SMOC1: variants seen among roughly 807,000 people sequenced by gnomAD.
SMOC1 encodes SPARC related modular calcium binding 1.
SMOC1 carries 22 observed loss-of-function variants against 56.3 expected under a neutral mutation model. That is an observed-to-expected ratio of 0.39 (90% CI 0.28 to 0.56). SMOC1 has a LOEUF of 0.56. Ranked by LOEUF, SMOC1 falls within the 20% of genes least tolerant of loss-of-function variation. SMOC1 has a pLI of 0.61. For synonymous variants in SMOC1, 193 were observed against 215.0 expected, an observed-to-expected ratio of 0.90 and a Z score of 0.89; for missense variants, 509 against 565.4, an observed-to-expected ratio of 0.90 and a Z score of 1.01.
At chr14:69,884,358 T>C (rs925817234) in intron 1 of SMOC1, among the ~76,000 whole-genome samples, 1 of 152,230 alleles carries the variant, frequency 6.6e-6, no homozygotes, top group Non-Finnish European at 1.5e-5. Context: ...ATTAACTCCT[T>C]ATCAGATATA....
chr14:69,899,666 T>G (rs910561053), intron 1 of SMOC1, among the ~76,000 whole-genome samples: 31 of 152,202 alleles, frequency 2.0e-4, no homozygotes, highest in Admixed American at 1.8e-3. Context: ...TTCTTTGATA[T>G]TCACTGTGAG....
intron 1 of SMOC1, among the ~76,000 whole-genome samples, chr14:69,905,390 TAGA>T: frequency 6.6e-6 from 1 of 151,994 alleles, no homozygotes; most frequent in South Asian, 2.1e-4. Flanking sequence ...TGTGAGGGAA[TAGA>T]AGGAGGGTAG....
intron 3 of SMOC1, among the ~76,000 whole-genome samples, chr14:69,966,321 A>G (rs1883575758): frequency 1.3e-5 from 2 of 152,222 alleles, no homozygotes; most frequent in Admixed American, 6.5e-5. Flanking sequence ...GGGTCCCCGG[A>G]GCCCTAACAC....
chr14:69,891,582 C>G (rs115937819), intron 1 of SMOC1, among the ~76,000 whole-genome samples: 1 of 152,038 alleles, frequency 6.6e-6, no homozygotes, highest in Non-Finnish European at 1.5e-5. Flanking sequence ...CATCTGCTGG[C>G]GTCTCCCTCC....
chr14:70,019,671 AG>A (rs1243695781), intron 10 of SMOC1, among the ~76,000 whole-genome samples: 1 of 152,096 alleles, frequency 6.6e-6, no homozygotes, highest in Non-Finnish European at 1.5e-5. Context: ...TTTGTGGTTG[AG>A]GGGGTCTAAC....
At chr14:70,000,126 C>T (rs912403920) in intron 7 of SMOC1, among the ~76,000 whole-genome samples, 1 of 152,170 alleles carries the variant, frequency 6.6e-6, no homozygotes, top group Non-Finnish European at 1.5e-5. Context: ...TCTGAGCATC[C>T]TTGTTCTGTG....
chr14:69,908,045 T>C (rs1884456472), intron 1 of SMOC1, among the ~76,000 whole-genome samples: 1 of 152,156 alleles, frequency 6.6e-6, no homozygotes, highest in Non-Finnish European at 1.5e-5. Context: ...ACCACAGCAA[T>C]AGGTGAATCA....
intron 1 of SMOC1, among the ~76,000 whole-genome samples, chr14:69,880,933 G>A (rs1883621260): frequency 6.6e-6 from 1 of 152,214 alleles, no homozygotes; most frequent in Non-Finnish European, 1.5e-5. Context: ...AAGTCTTAAT[G>A]ACTGCCCAGA....
intron 7 of SMOC1, among the ~76,000 whole-genome samples, chr14:70,009,047 G>C (rs1188467622): frequency 6.6e-6 from 1 of 152,186 alleles, no homozygotes; most frequent in Non-Finnish European, 1.5e-5. Flanking sequence ...CAAAACCCAA[G>C]TCTGATGTCT....
chr14:70,011,681 C>A, intron 9 of SMOC1, 114 bp downstream of exon 9: 2 of 998,004 alleles, frequency 2.0e-6, no homozygotes, highest in Non-Finnish European at 3.1e-6. Flanking sequence ...TAAGATGGAG[C>A]CAGGAGCCGT....
At chr14:69,938,566 C>T (rs1882413537) in intron 1 of SMOC1, among the ~76,000 whole-genome samples, 1 of 151,960 alleles carries the variant, frequency 6.6e-6, no homozygotes, top group Non-Finnish European at 1.5e-5. Flanking sequence ...GGGCTTCTTA[C>T]CCCTTAAGAT....
chr14:69,885,903 T>C, intron 1 of SMOC1: 1 of 1,598,684 alleles, frequency 6.3e-7, no homozygotes, highest in Non-Finnish European at 8.5e-7. Context: ...AACTGGTTAA[T>C]CGCAGGAGGC....
chr14:70,005,864 A>C (rs1442829175), intron 7 of SMOC1, among the ~76,000 whole-genome samples: 3 of 152,178 alleles, frequency 2.0e-5, no homozygotes, highest in Non-Finnish European at 2.9e-5. Flanking sequence ...AGGTGTTTAC[A>C]GATGGTCCTG....
chr14:69,898,821 TTTTG>T (rs755599693), intron 1 of SMOC1, among the ~76,000 whole-genome samples: 1 of 152,156 alleles, frequency 6.6e-6, no homozygotes, highest in Non-Finnish European at 1.5e-5. Context: ...AAACTGTGTG[TTTTG>T]TTTGTTTGTT....
At chr14:69,961,604 A>ACTCCTGAGCT (rs373305805) in intron 3 of SMOC1, among the ~76,000 whole-genome samples, 13 of 150,060 alleles carry the variant, frequency 8.7e-5, no homozygotes, top group African/African-American at 2.5e-4. Flanking sequence ...CTGTTCTTGA[A>ACTCCTGAGCT]CTCCTGAGCT....
intron 1 of SMOC1, among the ~76,000 whole-genome samples, chr14:69,931,386 C>A (rs1343335639): frequency 2.0e-5 from 3 of 152,260 alleles, no homozygotes; most frequent in African/African-American, 7.2e-5. Context: ...GCTCCACTCG[C>A]TGTCGTCCTC....
rs972216517 is a variant in SMOC1, at chr14:70,031,038, A to G, written c.*780A>G. 6.6e-6 allele frequency: 1 copy of G among 152,126 alleles called. No individual in the cohort carries two copies. The highest frequency in any genetic ancestry group is 2.4e-5 in the African/African-American group (1 of 41,412). 9.4% of individuals were successfully genotyped at this position (152,126 alleles called of 1,614,324 possible). A position where few individuals can be genotyped will look rare whatever the true frequency, so the allele number is the denominator to read the frequency against. On this transcript the variant is annotated 3_prime_UTR_variant, in exon 12 of 12. Coordinates refer to ENST00000361956, the MANE Select transcript of SMOC1 (RefSeq NM_001034852.3). Reference sequence around the variant, plus strand: ...TCTCCGGACCCCCAAAGGGCCCAGCATTGGTGGGTGCACCAGTATCTTAGT... The same window carrying G: ...TCTCCGGACCCCCAAAGGGCCCAGCGTTGGTGGGTGCACCAGTATCTTAGT...
intron 3 of SMOC1, among the ~76,000 whole-genome samples, chr14:69,961,753 A>T (rs993351092): frequency 6.6e-6 from 1 of 152,034 alleles, no homozygotes; most frequent in Non-Finnish European, 1.5e-5. Context: ...ATCTGTTTTC[A>T]ATTCTCTTGG....
In SMOC1 at chr14:70,020,815, C is replaced by T. The variant is rs1030733218; in HGVS notation, c.1047-2388C>T. 3.9e-5 allele frequency among the ~76,000 whole-genome samples: 6 copies of T among 152,148 alleles called. No individual in the cohort carries two copies. In the South Asian group the frequency reaches 8.3e-4, roughly 21 times the overall value. On this transcript the variant is annotated intron_variant, in intron 10 of 11. Transcript: ENST00000361956. ...GCAGGAGTCAGATGATGGTCACTCT[C>T]AGGCATGGAAGGAAACTCTTGGAGG...
Sources: allele counts gnomAD v4.1 joint callset (sites outside exome capture counted in the v4.1 genomes callset), GRCh38; gene constraint gnomAD v4.1.1; transcripts MANE v1.5; gene names NCBI Gene and HGNC (gene_info 2026-07-23, HGNC 2026-07-21).